Variants in PTPRN2 observed in about 807,000 individuals in gnomAD.
PTPRN2 encodes protein tyrosine phosphatase receptor type N2, also known as receptor-type tyrosine-protein phosphatase N2.
Under a neutral mutation model 118.8 loss-of-function variants are expected in PTPRN2, and 74 were observed. The ratio of observed to expected loss-of-function variants is 0.62; its 90% CI spans 0.52 to 0.76. The LOEUF is 0.76. Among genes scored for constraint, PTPRN2 ranks in the 30% least tolerant of loss-of-function variants. PTPRN2 has a pLI of 0.00. For synonymous variants in PTPRN2, 641 were observed against 608.0 expected, an observed-to-expected ratio of 1.05 and a Z score of -0.80; for missense variants, 1,481 against 1,394.4, an observed-to-expected ratio of 1.06 and a Z score of -0.99.
At chr7:157,549,413 T>A (rs1798484182) in intron 21 of PTPRN2, among the ~76,000 whole-genome samples, 1 of 152,070 alleles carries the variant, frequency 6.6e-6, no homozygotes, top group African/African-American at 2.4e-5. Flanking sequence ...GGATTACTTT[T>A]TTATTTAAAG....
At chr7:158,405,779 C>T (rs536696902) in intron 2 of PTPRN2, among the ~76,000 whole-genome samples, 2 of 152,392 alleles carry the variant, frequency 1.3e-5, no homozygotes, top group Admixed American at 6.5e-5. Context: ...CCACAAGTGG[C>T]TTATCCATGC....
At chr7:157,705,861 C>T (rs1798305576) in intron 12 of PTPRN2, among the ~76,000 whole-genome samples, 1 of 152,124 alleles carries the variant, frequency 6.6e-6, no homozygotes, top group Non-Finnish European at 1.5e-5. Context: ...TCACATCCCC[C>T]AGAATGCTGG....
intron 21 of PTPRN2, among the ~76,000 whole-genome samples, chr7:157,549,823 A>G (rs1175100394): frequency 1.3e-5 from 2 of 152,340 alleles, no homozygotes; most frequent in East Asian, 3.9e-4. Context: ...GAAGTGTGGG[A>G]TGAGGAGCAG....
chr7:158,403,821 C>T (rs1813134570), intron 2 of PTPRN2, among the ~76,000 whole-genome samples: 1 of 152,100 alleles, frequency 6.6e-6, no homozygotes. Context: ...GGATGATGCA[C>T]TTTGGAAAAA....
chr7:158,138,569 G>T, intron 6 of PTPRN2, 54 bp from the exon 7 acceptor site: 1 of 1,548,306 alleles, frequency 6.5e-7, no homozygotes, highest in Non-Finnish European at 8.8e-7. Flanking sequence ...ATGCAAAGGT[G>T]AGGGCCTCCA....
At chr7:158,071,812 TCG>T (rs1811861310) in intron 11 of PTPRN2, among the ~76,000 whole-genome samples, 3 of 94,796 alleles carry the variant, frequency 3.2e-5, no homozygotes, top group East Asian at 3.6e-4. Context: ...GTGGAGGTGC[TCG>T]TCGTATGGAG....
At chr7:157,992,654 G>A (rs1563307497) in intron 11 of PTPRN2, among the ~76,000 whole-genome samples, 1 of 152,258 alleles carries the variant, frequency 6.6e-6, no homozygotes, top group African/African-American at 2.4e-5. Flanking sequence ...GGGGTCCCCT[G>A]GAGGGGTTGG....
In PTPRN2 at chr7:158,562,044, T is replaced by C. The variant is rs1436682623; in HGVS notation, c.112+25514A>G. On this transcript the variant is annotated intron_variant, in intron 1 of 22. Transcript: ENST00000389418. ...GCCAATGAACACATGTCTTTTGAGATCTCATGACCTCCAAGAGAAGTCTCT... is the reference window on the plus strand; with the variant it reads ...GCCAATGAACACATGTCTTTTGAGACCTCATGACCTCCAAGAGAAGTCTCT... Among the ~76,000 whole-genome samples, 8 of 152,160 alleles carry C rather than the reference T, an allele frequency of 5.3e-5. No individual in the cohort carries two copies. The East Asian group carries it at 1.3e-3, about 26-fold the overall frequency.
rs375370752 is a variant in PTPRN2, at chr7:157,791,559, C to T, written c.1788+107114G>A. Among the ~76,000 whole-genome samples the T allele has an allele frequency of 5.3e-3, 790 of 148,978 alleles. 11 individuals are homozygous for T. The highest frequency in any genetic ancestry group is 0.053 in the South Asian group (235 of 4,436). ...CCGCTCCCTGCACCCACCTGCCCCC[C>T]CTCCCTGCACCCGCCCCCCCTCCCT... is the stretch of plus-strand genomic sequence containing the variant. On this transcript the variant is annotated intron_variant, in intron 12 of 22. Transcript: ENST00000389418.
chr7:158,430,443 G>T (rs1215321170), intron 2 of PTPRN2, among the ~76,000 whole-genome samples: 1 of 152,230 alleles, frequency 6.6e-6, no homozygotes, highest in East Asian at 1.9e-4. Context: ...AAATGCTCTG[G>T]GGTTTGTGGA....
At chr7:157,653,942 C>T (rs1298490870) in intron 14 of PTPRN2, among the ~76,000 whole-genome samples, 1 of 124,752 alleles carries the variant, frequency 8.0e-6, no homozygotes, top group African/African-American at 3.2e-5. Flanking sequence ...CAACTGCACA[C>T]GATGCCCGCT....
intron 11 of PTPRN2, among the ~76,000 whole-genome samples, chr7:157,915,251 G>A (rs1342598759): frequency 1.3e-5 from 2 of 152,150 alleles, no homozygotes; most frequent in Non-Finnish European, 2.9e-5. Context: ...AGTAGAAGGG[G>A]AAAGAAAGGA....
At chr7:158,346,520 C>T (rs1397166343) in intron 2 of PTPRN2, among the ~76,000 whole-genome samples, 3 of 152,198 alleles carry the variant, frequency 2.0e-5, no homozygotes, top group Admixed American at 6.5e-5. Context: ...ATCCATCTGT[C>T]GATGGACATT....
intron 11 of PTPRN2, among the ~76,000 whole-genome samples, chr7:157,931,006 C>G (rs570903141): frequency 6.6e-6 from 1 of 152,302 alleles, no homozygotes; most frequent in Non-Finnish European, 1.5e-5. Context: ...GTGCACAGGC[C>G]TCCTGTGGAT....
In PTPRN2 at chr7:157,779,055, C is replaced by T. The variant is rs1470665634; in HGVS notation, c.1789-96118G>A. On this transcript the variant is annotated intron_variant, in intron 12 of 22. Transcript: ENST00000389418. The surrounding 1 kb of genome is among the most constrained non-coding windows in gnomAD (Gnocchi z 4.7). The stretch of plus-strand genomic sequence containing the variant: ...TGGCCGTGTTCTCTGAGGGGTTGTG[C>T]CGGGGTCTTCAGACAGTGCCCTCCC... Among the ~76,000 whole-genome samples, 1 of 152,224 alleles carries T rather than the reference C, an allele frequency of 6.6e-6. No individual in the cohort carries two copies. Among genetic ancestry groups the T allele is most frequent in the Non-Finnish European group, 1.5e-5 (1 of 68,042 alleles).
chr7:157,726,950 C>T (rs1385996831), intron 12 of PTPRN2, among the ~76,000 whole-genome samples: 3 of 152,186 alleles, frequency 2.0e-5, no homozygotes, highest in Admixed American at 1.3e-4. Context: ...TTCCTCAGTG[C>T]AATTCCACCT....
At chr7:158,012,062 C>T (rs1563326636) in intron 11 of PTPRN2, among the ~76,000 whole-genome samples, 1 of 152,186 alleles carries the variant, frequency 6.6e-6, no homozygotes, top group Non-Finnish European at 1.5e-5. Context: ...CTGCCCCGAT[C>T]CCGAGTTTGT....
intron 11 of PTPRN2, among the ~76,000 whole-genome samples, chr7:157,976,896 C>T (rs992605768): frequency 2.0e-5 from 3 of 151,824 alleles, no homozygotes; most frequent in Non-Finnish European, 4.4e-5. Flanking sequence ...TGCTTAAGCT[C>T]CCAAATCGTC....
At chr7:158,400,512 C>T (rs1812851824) in intron 2 of PTPRN2, among the ~76,000 whole-genome samples, 1 of 152,178 alleles carries the variant, frequency 6.6e-6, no homozygotes, top group African/African-American at 2.4e-5. Context: ...TTTCTCTGAG[C>T]TCCAAAGCCA....
Sources: gnomAD v4.1 joint callset for allele counts (sites outside exome capture counted in the v4.1 genomes callset) on GRCh38, gnomAD v4.1.1 for gene constraint, Gnocchi (gnomAD v3.1) non-coding constraint, MANE v1.5 for transcripts, NCBI Gene and HGNC (gene_info 2026-07-23, HGNC 2026-07-21) for gene names.